The following GPS1 variants were observed in gnomAD, a reference collection of about 807,000 sequenced individuals.
The protein encoded by GPS1 is G protein pathway suppressor 1.
GPS1 carries 11 observed loss-of-function variants against 60.0 expected under a neutral mutation model. That is an observed-to-expected ratio of 0.18 (90% CI 0.12 to 0.30). The LOEUF (loss-of-function observed/expected upper bound fraction) is 0.30. Ranked by LOEUF, GPS1 falls within the 10% of genes least tolerant of loss-of-function variation. The probability of loss-of-function intolerance (pLI) is 1.00; values close to 1 mark genes in which losing one functional copy is unlikely to be tolerated. For missense variants in GPS1, 543 were observed against 669.2 expected, an observed-to-expected ratio of 0.81 and a Z score of 2.08; for synonymous variants, 343 against 269.8, an observed-to-expected ratio of 1.27 and a Z score of -2.66.
At chr17:82,055,949 C>A in intron 7 of GPS1, 52 bp from the exon 8 acceptor site, 2 of 1,461,136 alleles carry the variant, frequency 1.4e-6, no homozygotes, top group Admixed American at 1.7e-5. Flanking sequence ...GATGGGCAGG[C>A]AGGGGTGGCC....
upstream of GPS1, chr17:82,051,361 A>G: frequency 2.1e-6 from 3 of 1,462,742 alleles, no homozygotes; most frequent in African/African-American, 1.5e-5. This position sits in a 1 kb window ranked among gnomAD's most constrained non-coding sequence, Gnocchi z 4.1. Context: ...GAAACAATCT[A>G]TGAGGCTTCT....
At position 82,056,927 on chromosome 17, in the gene GPS1, G is replaced by T; in HGVS notation, c.1342G>T (p.Ala448Ser). 5 of 1,612,946 alleles carry T rather than the reference G, an allele frequency of 3.1e-6. 1 individual carries two copies. The highest frequency in any genetic ancestry group is 4.2e-6 in the Non-Finnish European group (5 of 1,179,956). Residue 448 changes from alanine to serine, a missense_variant, in exon 12 of 13, where the codon GCC (alanine) becomes TCC (serine). Physicochemically the swap from Ala to Ser is moderately conservative, Grantham distance 99 (BLOSUM62 1). This residue lies in a region of GPS1 where 291 missense variants were observed against 353.7 expected (regional missense o/e 0.82). Coordinates refer to ENST00000578552, the MANE Select transcript of GPS1 (RefSeq NM_001321092.3). ...MGKEFQRRAK[A>S]MMLRAAVLRN... is the part of the protein sequence containing the mutation. ...CAAGGAGTTCCAGCGCCGCGCCAAG[G>T]CCATGATGCTGCGGGCAGCTGTGCT...
chr17:82,053,840 CCTGA>C, intron 2 of GPS1, 24 bp from the exon 3 acceptor site: 1 of 1,589,530 alleles, frequency 6.3e-7, no homozygotes, highest in Non-Finnish European at 8.6e-7. Flanking sequence ...TCCCATCCTG[CCTGA>C]CTCTTGTCTG....
chr17:82,051,252 G>T (rs745335976), upstream of GPS1: 12 of 1,341,864 alleles, frequency 8.9e-6, no homozygotes, highest in Admixed American at 3.7e-5. The surrounding 1 kb of genome is among the most constrained non-coding windows in gnomAD (Gnocchi z 4.1). Context: ...GAAAGGCTCG[G>T]GGGGCAGATC....
At chr17:82,055,616 G>A in intron 6 of GPS1, 124 bp from the exon 7 acceptor site, 1 of 675,966 alleles carries the variant, frequency 1.5e-6, no homozygotes, top group Non-Finnish European at 2.6e-6. Flanking sequence ...AGCTCCCGGG[G>A]CAGGAGAGGC....
At position 82,054,507 on chromosome 17, in the gene GPS1, CAGGG is replaced by C; in HGVS notation, c.309_312del (p.Arg103SerfsTer33). 1 of 1,511,476 alleles carries C rather than the reference CAGGG, an allele frequency of 6.6e-7. No homozygotes were observed. The highest frequency in any genetic ancestry group is 1.4e-5 in the African/African-American group (1 of 72,376). 93.6% of individuals were successfully genotyped at this position (1,511,476 alleles called of 1,614,324 possible). A position where few individuals can be genotyped will look rare whatever the true frequency, so the allele number is the denominator to read the frequency against. ...CCATCCTGATGGCCAGGTCCTCTCT[CAGGG>C]AGCTGCAGAACGCACCCGACGCCAT... On this transcript the variant is annotated splice_acceptor_variant and coding_sequence_variant, in exon 4 of 13. Transcript: ENST00000578552. LOFTEE classifies it high-confidence loss of function.
chr17:82,051,702 A>G (rs988937753), upstream of GPS1: 18 of 1,019,486 alleles, frequency 1.8e-5, no homozygotes, highest in Non-Finnish European at 2.0e-5. The surrounding 1 kb of genome is among the most constrained non-coding windows in gnomAD (Gnocchi z 4.1). Context: ...CAGTAACAGC[A>G]GCGCGGCCAG....
chr17:82,052,105 C>G, intron 1 of GPS1, 141 bp downstream of exon 1: 1 of 832,086 alleles, frequency 1.2e-6, no homozygotes, highest in Non-Finnish European at 1.5e-6. Context: ...GGGCAGCGCG[C>G]GTCGGGGGCT....
At chr17:82,052,737 G>C in intron 1 of GPS1, 1 of 477,320 alleles carries the variant, frequency 2.1e-6, no homozygotes, top group South Asian at 2.5e-5. Context: ...TGGCTTCTCT[G>C]TGTCTCCCAG....
upstream of GPS1, chr17:82,051,166 G>C (rs2030496243): frequency 7.7e-7 from 1 of 1,303,024 alleles, no homozygotes; most frequent in Non-Finnish European, 9.8e-7. The surrounding 1 kb of genome is among the most constrained non-coding windows in gnomAD (Gnocchi z 4.1). Context: ...GGGCAGCGTC[G>C]GGGCCTCCCC....
At position 82,054,491 on chromosome 17, in the gene GPS1, T is replaced by C. The variant is rs769351385; in HGVS notation, c.309-19T>C. The C allele has an allele frequency of 4.0e-6, 6 of 1,482,478 alleles. No individual in the cohort carries two copies. In the African/African-American group the frequency reaches 5.6e-5, roughly 14 times the overall value. 91.8% of individuals were successfully genotyped at this position (1,482,478 alleles called of 1,614,324 possible). ...GCCCCCGTGACCGCCGCCATCCTGA[T>C]GGCCAGGTCCTCTCTCAGGGAGCTG... On this transcript the variant is annotated intron_variant, in intron 3 of 12. Transcript: ENST00000578552.
chr17:82,053,462 C>T (rs2031595170), intron 2 of GPS1, 96 bp downstream of exon 2: 13 of 882,048 alleles, frequency 1.5e-5, no homozygotes, highest in South Asian at 2.7e-5. Context: ...GTAGAATGAT[C>T]CTCCTCAGTG....
chr17:82,056,580 C>T (rs756130340), intron 10 of GPS1, 30 bp downstream of exon 10: 4 of 1,612,448 alleles, frequency 2.5e-6, no homozygotes, highest in Non-Finnish European at 3.4e-6. Flanking sequence ...TGGCACACGG[C>T]AGGCGGGCAT....
intron 6 of GPS1, 87 bp downstream of exon 6, chr17:82,055,309 C>T (rs2032303325): frequency 1.5e-6 from 2 of 1,374,474 alleles, no homozygotes; most frequent in African/African-American, 1.4e-5. Context: ...GTCCCTGCCT[C>T]AGCCAGGGAA....
At position 82,054,753 on chromosome 17, in the gene GPS1, C is replaced by G; in HGVS notation, c.552C>G (p.Ala184=). The G allele has an allele frequency of 6.2e-7, 1 of 1,611,528 alleles. No homozygotes were observed. Among genetic ancestry groups the G allele is most frequent in the Non-Finnish European group, 8.5e-7 (1 of 1,179,444 alleles). Residue 184 remains alanine, a synonymous_variant, in exon 4 of 13, where the codon GCC becomes GCG. Coordinates refer to ENST00000578552, the MANE Select transcript of GPS1 (RefSeq NM_001321092.3). Reference sequence around the variant, plus strand: ...ACGCCCTCAAGTGCTATTCCCGGGCCCGGGACTACTGCACCAGCGCCAAAC... The same window carrying G: ...ACGCCCTCAAGTGCTATTCCCGGGCGCGGGACTACTGCACCAGCGCCAAAC... ...LSNALKCYSR[A]RDYCTSAKHV...
Position 82,057,169 on chromosome 17 carries a change from A to G in GPS1, c.*42A>G, listed in dbSNP as rs760497815. ...TCCAGGACATCTGCACCCCCTCCCC[A>G]CCTCCACGGACCTCGGACCTCCAGG... On this transcript the variant is annotated 3_prime_UTR_variant, in exon 13 of 13. Transcript: ENST00000578552. 4.5e-6 allele frequency: 7 copies of G among 1,570,832 alleles called. No homozygotes were observed. Among genetic ancestry groups the G allele is most frequent in the Non-Finnish European group, 5.2e-6 (6 of 1,155,320 alleles).
Position 82,054,557 on chromosome 17 carries a change from C to T in GPS1, c.356C>T (p.Pro119Leu), listed in dbSNP as rs1485097123. The T allele has an allele frequency of 1.9e-6, 3 of 1,588,276 alleles. No individual in the cohort carries two copies. The highest frequency in any genetic ancestry group is 2.6e-6 in the Non-Finnish European group (3 of 1,168,296). The part of the protein sequence containing the change: ...PDAIPESGVE[P>L]PALDTAWVEA... ...GCCATCCCTGAGAGCGGCGTGGAGCCCCCAGCCCTGGACACGGCCTGGGTG... is the reference window on the plus strand; with the variant it reads ...GCCATCCCTGAGAGCGGCGTGGAGCTCCCAGCCCTGGACACGGCCTGGGTG... The change falls in exon 4 of 13, where the codon CCC becomes CTC. Residue 119 changes from proline (P) to leucine (L), a missense_variant. Pro to Leu is a moderately conservative substitution (Grantham distance 98). This residue lies in a region of GPS1 where 181 missense variants were observed against 188.8 expected (regional missense o/e 0.96). Transcript: ENST00000578552.
At chr17:82,057,030 G>T (rs1459367668) in intron 12 of GPS1, 23 bp from the exon 13 acceptor site, 1 of 1,608,892 alleles carries the variant, frequency 6.2e-7, no homozygotes, top group Admixed American at 1.7e-5. Context: ...GTGGCTGTGA[G>T]CTGCTCCTTG....
At chr17:82,054,224 C>CTG (rs2031932177) in intron 3 of GPS1, 175 bp downstream of exon 3, 1 of 769,592 alleles carries the variant, frequency 1.3e-6, no homozygotes, top group Non-Finnish European at 2.0e-6. Flanking sequence ...TGTGTGGCTT[C>CTG]TGTGTGTGTG....
Sources: gnomAD v4.1 joint callset for allele counts on GRCh38, gnomAD v4.1.1 for gene constraint, gnomAD v4.1.1 regional missense constraint, Gnocchi (gnomAD v3.1) non-coding constraint, MANE v1.5 for transcripts, NCBI Gene and HGNC (gene_info 2026-07-23, HGNC 2026-07-21) for gene names.